Variants in MDGA2 observed in about 807,000 individuals in gnomAD.
MDGA2 encodes the protein MAM domain containing glycosylphosphatidylinositol anchor 2, also known as MAM domain-containing glycosylphosphatidylinositol anchor protein 2.
In MDGA2, 40 loss-of-function variants were observed where a neutral mutation model predicts 117.8. The ratio of observed to expected loss-of-function variants is 0.34; its 90% CI spans 0.26 to 0.44. The LOEUF (loss-of-function observed/expected upper bound fraction) is 0.44. Ranked by LOEUF, MDGA2 falls within the 20% of genes least tolerant of loss-of-function variation. The pLI is 1.00. For synonymous variants in MDGA2, 452 were observed against 439.0 expected, an observed-to-expected ratio of 1.03 and a Z score of -0.37; for missense variants, 1,123 against 1,250.6, an observed-to-expected ratio of 0.90 and a Z score of 1.54.
chr14:47,161,164 T>G (rs1883617539), intron 3 of MDGA2, among the ~76,000 whole-genome samples: 1 of 152,174 alleles, frequency 6.6e-6, no homozygotes, highest in Non-Finnish European at 1.5e-5. Flanking sequence ...ACTTTACTAA[T>G]GCTGTACTAA....
chr14:47,665,714 C>G (rs1361909163), intron 1 of MDGA2, among the ~76,000 whole-genome samples: 6 of 152,138 alleles, frequency 3.9e-5, no homozygotes, highest in Non-Finnish European at 8.8e-5. Flanking sequence ...CCCAGCACTG[C>G]TGGCCCACCA....
chr14:47,475,938 G>A (rs1893827154), intron 1 of MDGA2, among the ~76,000 whole-genome samples: 1 of 152,172 alleles, frequency 6.6e-6, no homozygotes, highest in Admixed American at 6.5e-5. Context: ...GCAGCAAACA[G>A]CCATGACATA....
intron 1 of MDGA2, among the ~76,000 whole-genome samples, chr14:47,559,892 T>A (rs1268529834): frequency 1.3e-5 from 2 of 151,852 alleles, no homozygotes; most frequent in Non-Finnish European, 2.9e-5. Flanking sequence ...TATGGTGGAA[T>A]GATTTATATT....
intron 1 of MDGA2, among the ~76,000 whole-genome samples, chr14:47,411,257 T>A (rs768512012): frequency 5.3e-5 from 8 of 152,060 alleles, no homozygotes; most frequent in Non-Finnish European, 1.0e-4. Context: ...GGGTTAGTGG[T>A]TAGACAACAA....
Position 46,884,434 on chromosome 14 carries a change from A to G in MDGA2, c.2239-2213T>C, listed in dbSNP as rs1882590952. ...TGCACAGGTACACACACATACACAT[A>G]TCACATAATATGCACATATGTTCAC... On this transcript the variant is annotated intron_variant, in intron 10 of 16. Transcript: ENST00000399232. The surrounding 1 kb of genome is among the most constrained non-coding windows in gnomAD (Gnocchi z 4.1). Among the ~76,000 whole-genome samples, 1 of 152,158 alleles carries G rather than the reference A, an allele frequency of 6.6e-6. No individual in the cohort carries two copies. The highest frequency in any genetic ancestry group is 1.9e-4 in the East Asian group (1 of 5,192).
intron 1 of MDGA2, among the ~76,000 whole-genome samples, chr14:47,429,377 A>G (rs190850020): frequency 6.6e-6 from 1 of 152,172 alleles, no homozygotes; most frequent in East Asian, 1.9e-4. Context: ...CTCACCTAGA[A>G]AATTATAACA....
intron 4 of MDGA2, among the ~76,000 whole-genome samples, chr14:47,140,587 A>C (rs1882675966): frequency 6.6e-6 from 1 of 152,136 alleles, no homozygotes; most frequent in South Asian, 2.1e-4. Context: ...GGAATGGACA[A>C]TGTGTCTTCA....
At chr14:47,393,626 G>C (rs1566767066) in intron 1 of MDGA2, among the ~76,000 whole-genome samples, 1 of 151,934 alleles carries the variant, frequency 6.6e-6, no homozygotes, top group Admixed American at 6.6e-5. Flanking sequence ...TTTTTGATTT[G>C]CTATTTCATA....
In MDGA2 at chr14:46,926,464, A is replaced by T. The variant is rs565007547; in HGVS notation, c.2090-6304T>A. On this transcript the variant is annotated intron_variant, in intron 9 of 16. Transcript: ENST00000399232. ...TCTAAAAATCAGAAATCACAGCTCT[A>T]GAAGCTAATACATATAGCCAAACGA... Among the ~76,000 whole-genome samples, 4 of 152,220 alleles carry T rather than the reference A, an allele frequency of 2.6e-5. No homozygotes were observed. The East Asian group carries it at 7.7e-4, about 29-fold the overall frequency.
At chr14:47,483,078 G>C (rs1893987104) in intron 1 of MDGA2, among the ~76,000 whole-genome samples, 2 of 151,918 alleles carry the variant, frequency 1.3e-5, no homozygotes, top group South Asian at 4.1e-4. Context: ...TAAAAAATAA[G>C]TAATCTTTTT....
chr14:47,433,892 A>G (rs1892847104), intron 1 of MDGA2, among the ~76,000 whole-genome samples: 1 of 152,158 alleles, frequency 6.6e-6, no homozygotes, highest in Non-Finnish European at 1.5e-5. Flanking sequence ...CAGTGAAACA[A>G]TTATCAGTCA....
At chr14:47,303,379 C>A (rs942674785) in intron 1 of MDGA2, among the ~76,000 whole-genome samples, 1 of 152,018 alleles carries the variant, frequency 6.6e-6, no homozygotes, top group African/African-American at 2.4e-5. Flanking sequence ...TCTATAAAAC[C>A]AATTTATTAA....
At chr14:47,573,337 A>T (rs1171104667) in intron 1 of MDGA2, among the ~76,000 whole-genome samples, 1 of 152,144 alleles carries the variant, frequency 6.6e-6, no homozygotes, top group East Asian at 1.9e-4. Flanking sequence ...ATATACATAG[A>T]CTATTACTAG....
rs1342915230 is a variant in MDGA2, at chr14:47,189,988, T to A, written c.595+28033A>T. ...ACTTCTCCAGAATTTGTCTGCCAAA[T>A]CCCATCATTTGTCTCATTTATCTGT... On this transcript the variant is annotated intron_variant, in intron 3 of 16. Coordinates refer to ENST00000399232, the MANE Select transcript of MDGA2 (RefSeq NM_001113498.3). Among the ~76,000 whole-genome samples, 11 of 152,270 alleles carry A rather than the reference T, an allele frequency of 7.2e-5. 1 individual carries two copies. Among genetic ancestry groups the A allele is most frequent in the Non-Finnish European group, 1.3e-4 (9 of 68,016 alleles).
At chr14:47,135,584 T>C (rs1187600254) in intron 4 of MDGA2, among the ~76,000 whole-genome samples, 17 of 152,138 alleles carry the variant, frequency 1.1e-4, no homozygotes, top group African/African-American at 3.1e-4. Flanking sequence ...AGATAATCTA[T>C]GCTGCATTTC....
intron 2 of MDGA2, among the ~76,000 whole-genome samples, chr14:47,258,047 A>C (rs1200202741): frequency 6.6e-6 from 1 of 152,196 alleles, no homozygotes; most frequent in African/African-American, 2.4e-5. Flanking sequence ...TCACTGAAAA[A>C]TATGAAAGCA....
intron 1 of MDGA2, among the ~76,000 whole-genome samples, chr14:47,664,904 C>G (rs563125472): frequency 3.1e-4 from 47 of 152,216 alleles, no homozygotes; most frequent in Non-Finnish European, 5.1e-4. Flanking sequence ...AAGAAATGGT[C>G]AGTTAGCTTC....
chr14:47,078,433 C>T (rs1241697025), intron 6 of MDGA2, among the ~76,000 whole-genome samples: 1 of 152,040 alleles, frequency 6.6e-6, no homozygotes, highest in East Asian at 1.9e-4. Flanking sequence ...GCCGAGACAG[C>T]CTCCCATAAA....
intron 3 of MDGA2, among the ~76,000 whole-genome samples, chr14:47,184,007 TA>T (rs1325766575): frequency 1.3e-5 from 2 of 151,956 alleles, no homozygotes; most frequent in Non-Finnish European, 2.9e-5. Context: ...AATACTGACT[TA>T]AATCCTCTTC....
Sources: allele counts gnomAD v4.1 joint callset (sites outside exome capture counted in the v4.1 genomes callset), GRCh38; gene constraint gnomAD v4.1.1; non-coding constraint Gnocchi (gnomAD v3.1); transcripts MANE v1.5; gene names NCBI Gene and HGNC (gene_info 2026-07-23, HGNC 2026-07-21).